CAPZA1: variants seen among roughly 807,000 people sequenced by gnomAD.
CAPZA1 encodes capping actin protein of muscle Z-line subunit alpha 1.
A neutral mutation model predicts 40.8 loss-of-function variants in CAPZA1; 10 were observed. That is an observed-to-expected ratio of 0.25 (90% confidence interval 0.15 to 0.42). The LOEUF (loss-of-function observed/expected upper bound fraction) is 0.42, where lower values mean the gene tolerates loss of function less well. Ranked by LOEUF, CAPZA1 falls within the 10% of genes least tolerant of loss-of-function variation. The pLI is 1.00. For synonymous variants in CAPZA1, 98 were observed against 115.0 expected, an observed-to-expected ratio of 0.85 and a Z score of 0.95; for missense variants, 277 against 353.8, an observed-to-expected ratio of 0.78 and a Z score of 1.74.
rs1671458826 is a variant in CAPZA1, at chr1:112,654,450, A to G, written c.220-15A>G. On this transcript the variant is annotated splice_polypyrimidine_tract_variant and intron_variant, in intron 4 of 9. Coordinates refer to ENST00000263168, the MANE Select transcript of CAPZA1 (RefSeq NM_006135.3). ...TTTTTTACAGTTACTCATATGTTTA[A>G]TGATTCTTTGGAAGGTCTTAATTAC... 6.4e-7 allele frequency: 1 copy of G among 1,569,920 alleles called. No homozygotes were observed.
At chr1:112,658,424 A>C (rs1671539424) in intron 5 of CAPZA1, among the ~76,000 whole-genome samples, 1 of 152,140 alleles carries the variant, frequency 6.6e-6, no homozygotes, top group Non-Finnish European at 1.5e-5. Flanking sequence ...CATTCCCATT[A>C]ATATAACTCT....
At chr1:112,632,005 A>G (rs1346846905) in intron 1 of CAPZA1, among the ~76,000 whole-genome samples, 1 of 152,202 alleles carries the variant, frequency 6.6e-6, no homozygotes, top group Non-Finnish European at 1.5e-5. Context: ...AGTAAAGAAG[A>G]CTATTCAAAA....
chr1:112,625,220 G>C (rs185488611), intron 1 of CAPZA1, among the ~76,000 whole-genome samples: 1 of 152,078 alleles, frequency 6.6e-6, no homozygotes, highest in Non-Finnish European at 1.5e-5. Context: ...TGCCACTGCT[G>C]GGAACATTTG....
In CAPZA1 at chr1:112,647,226, A is replaced by G; in HGVS notation, c.56A>G (p.Lys19Arg). 1 of 1,532,956 alleles carries G rather than the reference A, an allele frequency of 6.5e-7. No homozygotes were observed. The highest frequency in any genetic ancestry group is 8.8e-7 in the Non-Finnish European group (1 of 1,131,948). 95.0% of individuals were successfully genotyped at this position (1,532,956 alleles called of 1,614,324 possible). The change falls in exon 2 of 10, where the codon AAA becomes AGA. Residue 19 changes from lysine (K) to arginine (R), a missense_variant. Physicochemically the swap from Lys to Arg is conservative, Grantham distance 26. This residue lies in a region of CAPZA1 where 85 missense variants were observed against 76.5 expected (regional missense o/e 1.11). Coordinates refer to ENST00000263168, the MANE Select transcript of CAPZA1 (RefSeq NM_006135.3). ...SDEEKVRIAA[K>R]FITHAPPGEF... The stretch of plus-strand genomic sequence containing the variant: ...TCTCTTTAGGTACGCATAGCTGCTA[A>G]ATTCATCACTCATGCACCCCCAGGG...
chr1:112,660,069 T>TTAA (rs907717540), intron 7 of CAPZA1, among the ~76,000 whole-genome samples: 15 of 151,922 alleles, frequency 9.9e-5, no homozygotes, highest in Non-Finnish European at 1.6e-4. Flanking sequence ...AGATTTAAAA[T>TTAA]TAATAATAAT....
At chr1:112,648,347 CTTTTTTTT>C (rs35670246) in intron 2 of CAPZA1, among the ~76,000 whole-genome samples, 7 of 99,388 alleles carry the variant, frequency 7.0e-5, no homozygotes, top group Non-Finnish European at 1.0e-4. Context: ...TTGAATTTTT[CTTTTTTTT>C]TTTTTTTTTT....
intron 3 of CAPZA1, among the ~76,000 whole-genome samples, chr1:112,651,030 T>C (rs1671376989): frequency 6.6e-6 from 1 of 152,236 alleles, no homozygotes; most frequent in Admixed American, 6.5e-5. Flanking sequence ...TATTTCTGTA[T>C]TAAAGCATTT....
At position 112,623,223 on chromosome 1, in the gene CAPZA1, T is replaced by TA. The variant is rs533415639; in HGVS notation, c.39+3341dup. On this transcript the variant is annotated intron_variant, in intron 1 of 9. Transcript: ENST00000263168. ...TTAAACTGGATCCTTGATTATGTAT[T>TA]ACCTCCTTAATTTACTAGTTACCAT... 1.6e-4 allele frequency among the ~76,000 whole-genome samples: 25 copies of TA among 152,314 alleles called. No individual in the cohort carries two copies. In the South Asian group the frequency reaches 5.0e-3, roughly 30 times the overall value.
intron 1 of CAPZA1, among the ~76,000 whole-genome samples, chr1:112,644,679 A>G (rs1215334981): frequency 1.3e-5 from 2 of 152,130 alleles, no homozygotes; most frequent in Non-Finnish European, 2.9e-5. Flanking sequence ...AGGGAGTTGA[A>G]TCATCTTCAT....
At chr1:112,637,511 A>T (rs1671044272) in intron 1 of CAPZA1, among the ~76,000 whole-genome samples, 1 of 152,152 alleles carries the variant, frequency 6.6e-6, no homozygotes. Context: ...GCAGTGGCAC[A>T]ATCATAGCTC....
chr1:112,620,029 C>T (rs745918244), intron 1 of CAPZA1, 146 bp downstream of exon 1: 1 of 645,480 alleles, frequency 1.5e-6, no homozygotes, highest in Non-Finnish European at 2.7e-6. Flanking sequence ...CGGGACGCTT[C>T]CCTCTTAGGG....
intron 3 of CAPZA1, among the ~76,000 whole-genome samples, chr1:112,651,692 C>G (rs1671388595): frequency 1.3e-5 from 1 of 75,632 alleles, no homozygotes; most frequent in Admixed American, 1.7e-4. Flanking sequence ...ATATTTACTT[C>G]CTACTCGTTT....
At chr1:112,649,757 G>C in intron 3 of CAPZA1, 1 of 403,318 alleles carries the variant, frequency 2.5e-6, no homozygotes, top group Non-Finnish European at 4.4e-6. Flanking sequence ...AGTTGTTCTA[G>C]TTCGTGTTGA....
chr1:112,660,191 C>T (rs1171932307), intron 7 of CAPZA1, among the ~76,000 whole-genome samples: 1 of 151,758 alleles, frequency 6.6e-6, no homozygotes, highest in Non-Finnish European at 1.5e-5. Context: ...TGGGTTAATT[C>T]CTAAAAATTA....
chr1:112,666,842 C>G (rs1671732460), intron 7 of CAPZA1: 1 of 486,778 alleles, frequency 2.1e-6, no homozygotes, highest in African/African-American at 1.9e-5. Flanking sequence ...ATAAATGTTT[C>G]TTGAACTTAA....
chr1:112,624,033 GA>G (rs1483214144), intron 1 of CAPZA1, among the ~76,000 whole-genome samples: 6 of 131,990 alleles, frequency 4.5e-5, no homozygotes, highest in Admixed American at 1.5e-4. Flanking sequence ...AAAAAGAAAA[GA>G]AAAAGAAATC....
rs1286688189 is a variant in CAPZA1 at position 112,645,489 on chromosome 1, C to T, written c.40-1721C>T. Among the ~76,000 whole-genome samples, 4 of 151,792 alleles carry T rather than the reference C, an allele frequency of 2.6e-5. No homozygotes were observed. In the East Asian group the frequency reaches 7.7e-4, roughly 29 times the overall value. On this transcript the variant is annotated intron_variant, in intron 1 of 9. Transcript: ENST00000263168. ...AAAATTAAAATTTTTTAAAAATTAGCCAGGCATGGTGAGGCACACCTGTAG... is the reference window on the plus strand; with the variant it reads ...AAAATTAAAATTTTTTAAAAATTAGTCAGGCATGGTGAGGCACACCTGTAG...
intron 3 of CAPZA1, among the ~76,000 whole-genome samples, chr1:112,652,011 C>T (rs1313392583): frequency 6.6e-6 from 1 of 152,052 alleles, no homozygotes; most frequent in Non-Finnish European, 1.5e-5. Flanking sequence ...ATCCCAGTTA[C>T]TTGGGAGGCT....
chr1:112,665,059 G>C (rs1258696078), intron 7 of CAPZA1, among the ~76,000 whole-genome samples: 1 of 152,126 alleles, frequency 6.6e-6, no homozygotes, highest in Non-Finnish European at 1.5e-5. Flanking sequence ...GTGAGATGAA[G>C]TAAGTGAAGA....
Sources: allele counts gnomAD v4.1 joint callset (sites outside exome capture counted in the v4.1 genomes callset), GRCh38; gene constraint gnomAD v4.1.1; regional missense constraint gnomAD v4.1.1; transcripts MANE v1.5; gene names NCBI Gene and HGNC (gene_info 2026-07-23, HGNC 2026-07-21).